Variants in CCDC125 observed in about 807,000 individuals in gnomAD.
CCDC125 encodes the protein coiled-coil domain containing 125, also known as coiled-coil domain-containing protein 125.
Under a neutral mutation model 57.4 loss-of-function variants are expected in CCDC125, and 43 were observed. That is an observed-to-expected ratio of 0.75 (90% CI 0.59 to 0.97). The LOEUF (loss-of-function observed/expected upper bound fraction) is 0.97, where lower values mean the gene tolerates loss of function less well. Among genes scored for constraint, CCDC125 ranks in the 50% least tolerant of loss-of-function variants. The probability of loss-of-function intolerance (pLI) is 0.00; values close to 1 mark genes in which losing one functional copy is unlikely to be tolerated. For missense variants in CCDC125, 563 were observed against 595.7 expected (o/e 0.95, Z 0.57); for synonymous variants, 187 against 195.2 (o/e 0.96, Z 0.35).
chr5:69,320,583 G>A lies in CCDC125; in HGVS notation c.-40-3C>T, dbSNP rs778117570. On this transcript the variant is annotated splice_region_variant and splice_polypyrimidine_tract_variant and intron_variant, in intron 1 of 11. Coordinates refer to ENST00000396496, the MANE Select transcript of CCDC125 (RefSeq NM_176816.5). The stretch of plus-strand genomic sequence containing the variant: ...TATCATAAGAAAAAATGGGCTGTCT[G>A]TAGTTAAGAAAAACAGTAGTTAGGA... 2.2e-6 allele frequency: 3 copies of A among 1,389,992 alleles called. No homozygotes were observed. Among genetic ancestry groups the A allele is most frequent in the Non-Finnish European group, 3.0e-6 (3 of 1,008,810 alleles). The allele number at this position is 1,389,992 out of a possible 1,614,324, so 86.1% of individuals were successfully genotyped here. A position where few individuals can be genotyped will look rare whatever the true frequency, so the allele number is the denominator to read the frequency against.
chr5:69,304,921 T>C (rs1433564898), intron 6 of CCDC125, among the ~76,000 whole-genome samples: 1 of 152,002 alleles, frequency 6.6e-6, no homozygotes, highest in East Asian at 1.9e-4. Flanking sequence ...TGTATCAACA[T>C]TGGTTATAAA....
rs567609189 is a variant in CCDC125, at chr5:69,328,385, A to G, written c.-41+4264T>C. Among the ~76,000 whole-genome samples, 345 of 152,286 alleles carry G rather than the reference A, an allele frequency of 2.3e-3. 4 individuals carry two copies. The highest frequency in any genetic ancestry group is 7.9e-3 in the African/African-American group (328 of 41,576). On this transcript the variant is annotated intron_variant, in intron 1 of 11. Transcript: ENST00000396496. ...ACTTTATAAAATACTATGTAATTAAACAAAATTAATTAAATAAGTATTAGA... is the reference window on the plus strand; with the variant it reads ...ACTTTATAAAATACTATGTAATTAAGCAAAATTAATTAAATAAGTATTAGA...
Position 69,332,670 on chromosome 5 carries a change from A to T in CCDC125, c.-62T>A, listed in dbSNP as rs1364320931. ...CCACCTGCCAGGTCTGACCCCGGGT[A>T]CCCTCTCAAGGTCCGTGGCGGGGAC... On this transcript the variant is annotated 5_prime_UTR_variant, in exon 1 of 12. Transcript: ENST00000396496. The T allele has an allele frequency of 6.6e-6, 1 of 152,154 alleles. No homozygotes were observed. Among genetic ancestry groups the T allele is most frequent in the African/African-American group, 2.4e-5 (1 of 41,400 alleles). The allele number at this position is 152,154 out of a possible 1,614,324, so 9.4% of individuals were successfully genotyped here.
chr5:69,313,668 TA>T (rs1397556073), intron 3 of CCDC125: 2 of 752,146 alleles, frequency 2.7e-6, no homozygotes, highest in African/African-American at 3.4e-5. Flanking sequence ...AAAGGTGGCA[TA>T]GGGGTTGTCG....
chr5:69,322,175 A>G (rs1370062177), intron 1 of CCDC125, among the ~76,000 whole-genome samples: 1 of 151,330 alleles, frequency 6.6e-6, no homozygotes, highest in East Asian at 1.9e-4. Context: ...TTGAGAGATG[A>G]GGTCTAACCA....
rs539505242 is a variant in CCDC125 at position 69,303,908 on chromosome 5, G to A, written c.639C>T (p.Val213=). The A allele has an allele frequency of 6.2e-6, 10 of 1,604,838 alleles. No individual in the cohort carries two copies. In the African/African-American group the frequency reaches 6.7e-5, roughly 11 times the overall value. Residue 213 remains valine (V), a synonymous_variant, in exon 7 of 12, where the codon GTC becomes GTT. Coordinates refer to ENST00000396496, the MANE Select transcript of CCDC125 (RefSeq NM_176816.5). ...TTTTCACTTTCAAATTCTCTTTGAG[G>A]ACTGCATTTTCACAGTTTAGCCTGG... ...KYDRLNCENA[V]LKENLKVKTE...
chr5:69,287,326 C>T (rs1753678241), intron 10 of CCDC125, among the ~76,000 whole-genome samples: 1 of 149,822 alleles, frequency 6.7e-6, no homozygotes, highest in South Asian at 2.1e-4. Context: ...TGCAACAGCG[C>T]AATCTTGGCT....
At position 69,303,895 on chromosome 5, in the gene CCDC125, A is replaced by T. The variant is rs767014083; in HGVS notation, c.652T>A (p.Leu218Met). ...NCENAVLKEN[L>M]KVKTEEIKML... ...TTAATTTCTTCTGTTTTCACTTTCA[A>T]ATTCTCTTTGAGGACTGCATTTTCA... is the stretch of plus-strand genomic sequence containing the variant. Residue 218 changes from leucine (L) to methionine (M), a missense_variant, in exon 7 of 12, where the codon TTG (leucine) becomes ATG (methionine). By Grantham distance (15) the Leu-to-Met change is conservative. Transcript: ENST00000396496. 5.6e-6 allele frequency: 9 copies of T among 1,608,156 alleles called. No individual in the cohort carries two copies. Among genetic ancestry groups the T allele is most frequent in the Non-Finnish European group, 7.6e-6 (9 of 1,178,058 alleles).
Position 69,303,858 on chromosome 5 carries a change from G to C in CCDC125, c.689C>G (p.Ser230Cys). 1.3e-6 allele frequency: 2 copies of C among 1,591,712 alleles called. No individual in the cohort carries two copies. Among genetic ancestry groups the C allele is most frequent in the Non-Finnish European group, 1.7e-6 (2 of 1,163,454 alleles). Residue 230 changes from serine (S) to cysteine (C), a missense_variant, in exon 7 of 12, where the codon TCT becomes TGT. Coordinates refer to ENST00000396496, the MANE Select transcript of CCDC125 (RefSeq NM_176816.5). ...VKTEEIKMLKSDNAVLNQRYL... is the reference protein window; with the variant it reads ...VKTEEIKMLKCDNAVLNQRYL... ...AAAATCATCATTACCTGCATTGTCA[G>C]ACTTCAGCATTTTAATTTCTTCTGT...
chr5:69,299,954 G>A, intron 8 of CCDC125, 58 bp downstream of exon 8: 1 of 1,287,730 alleles, frequency 7.8e-7, no homozygotes, highest in Admixed American at 1.7e-5. Flanking sequence ...GGCAATGGGA[G>A]AAAGAAAGGA....
At chr5:69,319,390 A>G (rs1174314160) in intron 2 of CCDC125, among the ~76,000 whole-genome samples, 2 of 152,194 alleles carry the variant, frequency 1.3e-5, no homozygotes, top group Non-Finnish European at 2.9e-5. Context: ...TTCACAAAAA[A>G]GGCAAGGTTG....
chr5:69,294,127 T>G, intron 9 of CCDC125: 1 of 983,810 alleles, frequency 1.0e-6, no homozygotes, highest in African/African-American at 1.7e-5. Context: ...ATACATTCCA[T>G]GCTTATCTCT....
At chr5:69,278,346 C>T (rs1320509014), downstream of CCDC125, among the ~76,000 whole-genome samples, 1 of 150,998 alleles carries the variant, frequency 6.6e-6, no homozygotes, top group Non-Finnish European at 1.5e-5. Flanking sequence ...GCTGGGGTTA[C>T]AGGTATGTGC....
intron 8 of CCDC125, 52 bp downstream of exon 8, chr5:69,299,960 A>AAG (rs1366633481): frequency 7.4e-7 from 1 of 1,344,476 alleles, no homozygotes; most frequent in African/African-American, 1.4e-5. Flanking sequence ...GGGAGAAAGA[A>AAG]AGGAAAGTAG....
At chr5:69,331,361 T>A (rs1761397160) in intron 1 of CCDC125, among the ~76,000 whole-genome samples, 1 of 151,562 alleles carries the variant, frequency 6.6e-6, no homozygotes, top group Non-Finnish European at 1.5e-5. Flanking sequence ...GCCTCCCCAG[T>A]AGCGGAGATT....
Position 69,306,877 on chromosome 5 carries a change from A to G in CCDC125, c.557T>C (p.Ile186Thr). ...TTTAAATCTATTATGATCAAATTCT[A>G]TTTCCCACTGCAAGGCATTTATTTC... ...EKEINALQWE[I>T]EFDHNRFKNI... The change falls in exon 6 of 12, where the codon ATA (isoleucine) becomes ACA (threonine). Residue 186 changes from isoleucine (I) to threonine (T), a missense_variant. Transcript: ENST00000396496. The G allele has an allele frequency of 6.6e-7, 1 of 1,521,084 alleles. No individual in the cohort carries two copies. Among genetic ancestry groups the G allele is most frequent in the South Asian group, 1.4e-5 (1 of 72,914 alleles). The allele number at this position is 1,521,084 out of a possible 1,614,324, so 94.2% of individuals were successfully genotyped here. A position where few individuals can be genotyped will look rare whatever the true frequency, so the allele number is the denominator to read the frequency against.
chr5:69,285,304 C>T (rs759341251), intron 11 of CCDC125, 33 bp downstream of exon 11: 1 of 1,609,390 alleles, frequency 6.2e-7, no homozygotes, highest in South Asian at 1.1e-5. Context: ...CTTGGCTTAA[C>T]CATAACCTGC....
At chr5:69,307,696 A>AT in intron 5 of CCDC125, 1 of 421,880 alleles carries the variant, frequency 2.4e-6, no homozygotes, top group Non-Finnish European at 4.3e-6. Context: ...AAAAAAAAAA[A>AT]GAAGAAGAAA....
Position 69,311,160 on chromosome 5 carries a change from T to C in CCDC125, c.411A>G (p.Gln137=). 3 of 1,612,190 alleles carry C rather than the reference T, an allele frequency of 1.9e-6. No individual in the cohort carries two copies. The highest frequency in any genetic ancestry group is 2.5e-6 in the Non-Finnish European group (3 of 1,178,872). ...TCAATGCTTCCTCTTTACCTCTGAG[T>C]TGTCTTTGAGATGCCTCAAGTTCAG... is the stretch of plus-strand genomic sequence containing the variant. ...LKTELEASQR[Q]LRGKEEALKI... The change falls in exon 4 of 12, where the codon CAA becomes CAG. Residue 137 remains glutamine, a synonymous_variant. Transcript: ENST00000396496.
Sources: allele counts gnomAD v4.1 joint callset (sites outside exome capture counted in the v4.1 genomes callset), GRCh38; gene constraint gnomAD v4.1.1; transcripts MANE v1.5; gene names NCBI Gene and HGNC (gene_info 2026-07-23, HGNC 2026-07-21).